AKAP13: variants seen among roughly 807,000 people sequenced by gnomAD.
The protein encoded by AKAP13 is A-kinase anchoring protein 13, also known as A-kinase anchor protein 13.
AKAP13 carries 80 observed loss-of-function variants against 264.5 expected under a neutral mutation model. The observed-to-expected ratio is 0.30, with a 90% CI of 0.25 to 0.36. The LOEUF is 0.36. Ranked by LOEUF, AKAP13 falls within the 10% of genes least tolerant of loss-of-function variation. The pLI, the probability that AKAP13 is intolerant of heterozygous loss-of-function variation, is 1.00. For synonymous variants in AKAP13, 1,380 were observed against 1,250.2 expected, an observed-to-expected ratio of 1.10 and a Z score of -2.19; for missense variants, 3,712 against 3,435.2, an observed-to-expected ratio of 1.08 and a Z score of -2.01.
chr15:85,575,349 T>G lies in AKAP13; in HGVS notation c.861+20T>G. On this transcript the variant is annotated intron_variant, in intron 6 of 36. Coordinates refer to ENST00000394518, the MANE Select transcript of AKAP13 (RefSeq NM_007200.5). ...CTAATGGTAAGTCAGAAAGCTTTTA[T>G]TTTTAAGTATATGCATGTGTATGTG... 6.2e-6 allele frequency: 10 copies of G among 1,607,408 alleles called. No homozygotes were observed. Among genetic ancestry groups the G allele is most frequent in the Non-Finnish European group, 8.5e-6 (10 of 1,173,934 alleles).
At chr15:85,658,456 G>A (rs968119482) in intron 11 of AKAP13, 81 bp from the exon 12 acceptor site, 1 of 1,204,952 alleles carries the variant, frequency 8.3e-7, no homozygotes, top group South Asian at 1.3e-5. Flanking sequence ...TCTCTCCCCA[G>A]TGTGGTGTCT....
At chr15:85,654,856 G>A (rs2083025331) in intron 10 of AKAP13, among the ~76,000 whole-genome samples, 1 of 151,660 alleles carries the variant, frequency 6.6e-6, no homozygotes. Flanking sequence ...AAGAAAAAAT[G>A]ATGTACTTCT....
chr15:85,700,422 C>T (rs1330585759), intron 17 of AKAP13, among the ~76,000 whole-genome samples: 5 of 152,172 alleles, frequency 3.3e-5, no homozygotes, highest in African/African-American at 7.2e-5. Context: ...GTGCTAGAAC[C>T]GCCTCTGGAG....
At position 85,579,270 on chromosome 15, in the gene AKAP13, T is replaced by C. The variant is rs970374436; in HGVS notation, c.1202T>C (p.Leu401Pro). ...ACTGTATCTGATCAAGACAGCTGCC[T>C]TCAGAGCTTGCCTGATTGTGGAGTA... The part of the protein sequence containing the change: ...SGTVSDQDSC[L>P]QSLPDCGVKG... Residue 401 changes from leucine (L) to proline (P), a missense_variant, in exon 7 of 37, where the codon CTT becomes CCT. Physicochemically the swap from Leu to Pro is moderately conservative, Grantham distance 98. This residue lies in a region of AKAP13 where 2,759 missense variants were observed against 2,411.7 expected (regional missense o/e 1.14). Coordinates refer to ENST00000394518, the MANE Select transcript of AKAP13 (RefSeq NM_007200.5). The C allele has an allele frequency of 3.7e-6, 6 of 1,614,226 alleles. No individual in the cohort carries two copies. The highest frequency in any genetic ancestry group is 5.1e-6 in the Non-Finnish European group (6 of 1,180,042).
intron 8 of AKAP13, among the ~76,000 whole-genome samples, chr15:85,638,861 A>C (rs1416646264): frequency 6.6e-6 from 1 of 151,954 alleles, no homozygotes; most frequent in African/African-American, 2.4e-5. Context: ...GGTTTAAGCA[A>C]TTCTTGTGCC....
intron 1 of AKAP13, among the ~76,000 whole-genome samples, chr15:85,413,147 G>A (rs2072064692): frequency 6.6e-6 from 1 of 152,238 alleles, no homozygotes; most frequent in South Asian, 2.1e-4. Flanking sequence ...GCAGAATGCT[G>A]TTGTCTGAAG....
At chr15:85,633,796 G>A (rs1336823035) in intron 8 of AKAP13, among the ~76,000 whole-genome samples, 4 of 151,512 alleles carry the variant, frequency 2.6e-5, no homozygotes, top group African/African-American at 9.7e-5. Context: ...TGCCCACCTC[G>A]GCCTCCCAAA....
intron 5 of AKAP13, among the ~76,000 whole-genome samples, chr15:85,561,699 G>A (rs1343396874): frequency 6.6e-6 from 1 of 152,074 alleles, no homozygotes; most frequent in Non-Finnish European, 1.5e-5. Context: ...CAGTAAGGTA[G>A]GACTAAAAAA....
chr15:85,396,978 T>G (rs906767133), intron 1 of AKAP13, among the ~76,000 whole-genome samples: 4 of 151,416 alleles, frequency 2.6e-5, no homozygotes, highest in Non-Finnish European at 5.9e-5. Flanking sequence ...TATACATAAT[T>G]ATTTTTGTTT....
chr15:85,497,989 A>G (rs1208434866), intron 2 of AKAP13, among the ~76,000 whole-genome samples: 4 of 152,066 alleles, frequency 2.6e-5, no homozygotes, highest in Admixed American at 2.0e-4. Flanking sequence ...GCTGTTCCGC[A>G]GGAAGAACAT....
chr15:85,613,692 ATAT>A (rs200826208), intron 8 of AKAP13, among the ~76,000 whole-genome samples: 18,041 of 81,982 alleles, frequency 0.22, 1,944 homozygotes, highest in East Asian at 0.49. Flanking sequence ...AAAAAAAAAA[ATAT>A]ATATATATAT....
At chr15:85,388,170 G>C (rs909876931) in intron 1 of AKAP13, among the ~76,000 whole-genome samples, 5 of 151,684 alleles carry the variant, frequency 3.3e-5, no homozygotes, top group African/African-American at 1.2e-4. Context: ...TAAGTAGCTG[G>C]GATTACAGGT....
chr15:85,680,220 A>G (rs1453385664), intron 14 of AKAP13, among the ~76,000 whole-genome samples: 1 of 152,172 alleles, frequency 6.6e-6, no homozygotes, highest in African/African-American at 2.4e-5. Flanking sequence ...AATCCAGGCA[A>G]GCTTAGAAAA....
chr15:85,631,990 A>G (rs1330722371), intron 8 of AKAP13, among the ~76,000 whole-genome samples: 4 of 152,174 alleles, frequency 2.6e-5, no homozygotes, highest in African/African-American at 9.7e-5. Flanking sequence ...AGATTAGGAG[A>G]TTGCACCACA....
At chr15:85,454,664 C>T (rs534322021) in intron 1 of AKAP13, among the ~76,000 whole-genome samples, 32 of 152,132 alleles carry the variant, frequency 2.1e-4, no homozygotes, top group Non-Finnish European at 4.1e-4. Flanking sequence ...AAAATCTTAT[C>T]GTGATGTAAT....
chr15:85,662,214 G>A (rs1169981424), intron 12 of AKAP13, among the ~76,000 whole-genome samples: 1 of 152,158 alleles, frequency 6.6e-6, no homozygotes, highest in East Asian at 1.9e-4. Context: ...AAGTTTCTAT[G>A]ATTTTTTATT....
intron 8 of AKAP13, among the ~76,000 whole-genome samples, chr15:85,636,550 G>A (rs1021284028): frequency 6.6e-6 from 1 of 151,632 alleles, no homozygotes; most frequent in Non-Finnish European, 1.5e-5. Flanking sequence ...GTCAGGTTGA[G>A]TAATTTCCTT....
chr15:85,474,823 C>G (rs2075094628), intron 1 of AKAP13, among the ~76,000 whole-genome samples: 1 of 152,146 alleles, frequency 6.6e-6, no homozygotes. Flanking sequence ...AATATTTATT[C>G]TCAAGACAAG....
intron 8 of AKAP13, among the ~76,000 whole-genome samples, chr15:85,601,933 ATTG>A (rs1332001962): frequency 5.3e-5 from 8 of 152,058 alleles, no homozygotes; most frequent in Non-Finnish European, 1.5e-5. Flanking sequence ...GAGGAGTGGT[ATTG>A]TTTTAATTTC....
Sources: gnomAD v4.1 joint callset for allele counts (sites outside exome capture counted in the v4.1 genomes callset) on GRCh38, gnomAD v4.1.1 for gene constraint, gnomAD v4.1.1 regional missense constraint, MANE v1.5 for transcripts, NCBI Gene and HGNC (gene_info 2026-07-23, HGNC 2026-07-21) for gene names.